Variants in UBXN4 observed in about 807,000 individuals in gnomAD.
UBXN4 encodes UBX domain protein 4.
UBXN4 carries 35 observed loss-of-function variants against 66.2 expected under a neutral mutation model. The observed-to-expected ratio is 0.53, with a 90% CI of 0.40 to 0.70. UBXN4 has a LOEUF of 0.70. UBXN4 is among the 30% of genes least tolerant of loss of function. The pLI is 0.00. For missense variants in UBXN4, 533 were observed against 599.8 expected (o/e 0.89, Z 1.16); for synonymous variants, 203 against 204.5 (o/e 0.99, Z 0.06).
intron 6 of UBXN4, among the ~76,000 whole-genome samples, chr2:135,768,539 A>G (rs569484873): frequency 1.3e-5 from 2 of 150,146 alleles, no homozygotes; most frequent in South Asian, 4.2e-4. Flanking sequence ...ACGTTGCATT[A>G]CACTACCATG....
intron 2 of UBXN4, among the ~76,000 whole-genome samples, chr2:135,752,576 A>T (rs2077250057): frequency 6.6e-6 from 1 of 152,218 alleles, no homozygotes; most frequent in Non-Finnish European, 1.5e-5. Context: ...CACATGCCTA[A>T]GTAAGTCGTA....
At chr2:135,754,532 A>G (rs1300921280) in intron 4 of UBXN4, among the ~76,000 whole-genome samples, 1 of 152,104 alleles carries the variant, frequency 6.6e-6, no homozygotes, top group Non-Finnish European at 1.5e-5. Context: ...CATGTTGGCC[A>G]GGCTGGTCTC....
Position 135,748,271 on chromosome 2 carries a change from T to G in UBXN4, c.87T>G (p.Asp29Glu). 2 of 1,571,842 alleles carry G rather than the reference T, an allele frequency of 1.3e-6. No homozygotes were observed. The highest frequency in any genetic ancestry group is 1.7e-6 in the Non-Finnish European group (2 of 1,161,920). The change falls in exon 2 of 13, where the codon GAT becomes GAG. Residue 29 changes from aspartate to glutamate, a missense_variant. Coordinates refer to ENST00000272638, the MANE Select transcript of UBXN4 (RefSeq NM_014607.4). ...GAVFVVFVAG[D>E]DEQSTQMAAS... The stretch of plus-strand genomic sequence containing the variant: ...AATTTTTGAAATGTTTTACAGGTGA[T>G]GATGAACAGTCTACACAGATGGCTG...
intron 5 of UBXN4, among the ~76,000 whole-genome samples, chr2:135,760,915 T>G (rs1286224777): frequency 2.0e-5 from 3 of 152,230 alleles, no homozygotes; most frequent in African/African-American, 7.2e-5. Flanking sequence ...GGAGAAGAGA[T>G]ATGCACCATC....
rs368272666 is a variant in UBXN4, at chr2:135,780,310, C to T, written c.1313C>T (p.Pro438Leu). 57 of 1,614,048 alleles carry T rather than the reference C, an allele frequency of 3.5e-5. No homozygotes were observed. Among genetic ancestry groups the T allele is most frequent in the Non-Finnish European group, 4.6e-5 (54 of 1,180,036 alleles). The change falls in exon 12 of 13, where the codon CCT becomes CTT. Residue 438 changes from proline to leucine, a missense_variant. Physicochemically the swap from Pro to Leu is moderately conservative, Grantham distance 98. Coordinates refer to ENST00000272638, the MANE Select transcript of UBXN4 (RefSeq NM_014607.4). ...LISNFLFSNP[P>L]PTQTSVRVTS... is the part of the protein sequence containing the mutation. Reference sequence around the variant, plus strand: ...AGCAATTTCTTGTTTAGTAATCCGCCTCCCACACAGACTTCAGTGAGAGTA... The same window carrying T: ...AGCAATTTCTTGTTTAGTAATCCGCTTCCCACACAGACTTCAGTGAGAGTA...
intron 1 of UBXN4, 75 bp downstream of exon 1, chr2:135,742,086 C>T (rs1164916784): frequency 5.8e-5 from 88 of 1,509,106 alleles, no homozygotes; most frequent in Non-Finnish European, 7.5e-5. Flanking sequence ...ATACCTCAGC[C>T]GCCGGCCCGC....
At chr2:135,776,601 T>A (rs972022563) in intron 10 of UBXN4, among the ~76,000 whole-genome samples, 3 of 152,202 alleles carry the variant, frequency 2.0e-5, no homozygotes, top group Non-Finnish European at 2.9e-5. Context: ...TTTTCTTTTT[T>A]AAAATTTTTT....
intron 1 of UBXN4, chr2:135,742,759 A>G (rs938256581): frequency 6.6e-6 from 1 of 151,992 alleles, no homozygotes; most frequent in African/African-American, 2.4e-5. Context: ...TAGAGGTTTA[A>G]TTTTTCTTTA....
intron 5 of UBXN4, among the ~76,000 whole-genome samples, chr2:135,757,202 T>G (rs1217980872): frequency 1.3e-5 from 2 of 152,226 alleles, no homozygotes; most frequent in Non-Finnish European, 2.9e-5. Context: ...CACTTATTTT[T>G]TCTTCTTTGG....
chr2:135,763,253 C>T (rs1330755970), intron 6 of UBXN4, among the ~76,000 whole-genome samples: 1 of 152,198 alleles, frequency 6.6e-6, no homozygotes, highest in East Asian at 1.9e-4. Context: ...CCATCGTTCT[C>T]ACCATCCCCT....
intron 9 of UBXN4, among the ~76,000 whole-genome samples, chr2:135,772,970 G>C (rs1209559435): frequency 2.7e-5 from 4 of 147,530 alleles, no homozygotes; most frequent in Non-Finnish European, 4.4e-5. Flanking sequence ...CCGGGAGGCG[G>C]AGCTTGCAGT....
intron 10 of UBXN4, among the ~76,000 whole-genome samples, chr2:135,778,059 C>G (rs2077428314): frequency 6.6e-6 from 1 of 151,794 alleles, no homozygotes; most frequent in Non-Finnish European, 1.5e-5. Flanking sequence ...CGTCTGTAGT[C>G]CCAGCTACTC....
Position 135,771,414 on chromosome 2 carries a change from T to G in UBXN4, c.822+679T>G, listed in dbSNP as rs77008024. Among the ~76,000 whole-genome samples, 1,584 of 151,944 alleles carry G rather than the reference T, an allele frequency of 0.01. 99 individuals are homozygous for G. In the East Asian group the frequency reaches 0.19, roughly 18 times the overall value. ...TCACTTGAACCTAGGAGGTGGAAGT[T>G]GCAGTAGGCTGACATGGTGCCATTG... On this transcript the variant is annotated intron_variant, in intron 8 of 12. Transcript: ENST00000272638.
intron 8 of UBXN4, 88 bp from the exon 9 acceptor site, chr2:135,772,327 TAAAAA>T: frequency 1.8e-6 from 2 of 1,120,292 alleles, no homozygotes; most frequent in Non-Finnish European, 2.4e-6. Context: ...TGTCTCTTAA[TAAAAA>T]AAAAAAATTC....
At position 135,772,533 on chromosome 2, in the gene UBXN4, T is replaced by C. The variant is rs757159961; in HGVS notation, c.936T>C (p.Tyr312=). The part of the protein sequence containing the change: ...QAEMEVKRES[Y]ARERSTVARI... Reference sequence around the variant, plus strand: ...AAATGGAAGTCAAGAGGGAATCTTATGCAAGAGAAAGAAGGTACTATATTT... The same window carrying C: ...AAATGGAAGTCAAGAGGGAATCTTACGCAAGAGAAAGAAGGTACTATATTT... Residue 312 remains tyrosine, a synonymous_variant, in exon 9 of 13, where the codon TAT becomes TAC. Coordinates refer to ENST00000272638, the MANE Select transcript of UBXN4 (RefSeq NM_014607.4). The C allele has an allele frequency of 5.0e-6, 8 of 1,613,658 alleles. No homozygotes were observed. Among genetic ancestry groups the C allele is most frequent in the South Asian group, 4.4e-5 (4 of 91,076 alleles).
chr2:135,748,456 G>A (rs2077222926), intron 2 of UBXN4, 87 bp downstream of exon 2: 4 of 1,044,648 alleles, frequency 3.8e-6, no homozygotes, highest in Non-Finnish European at 3.8e-6. Context: ...CTAGAAGAAT[G>A]TTGATGTTGG....
intron 7 of UBXN4, 30 bp downstream of exon 7, chr2:135,769,853 T>C (rs376719923): frequency 6.4e-7 from 1 of 1,566,720 alleles, no homozygotes. Context: ...CATTGTTTTG[T>C]CCTCTCATTA....
intron 10 of UBXN4, among the ~76,000 whole-genome samples, chr2:135,778,189 CAAAA>C (rs749865495): frequency 1.9e-5 from 2 of 104,602 alleles, no homozygotes; most frequent in African/African-American, 7.0e-5. Context: ...AAAAAAAAAA[CAAAA>C]AAAAACCCAA....
chr2:135,749,960 A>G (rs539181018), intron 2 of UBXN4, among the ~76,000 whole-genome samples: 61 of 152,224 alleles, frequency 4.0e-4, no homozygotes, highest in African/African-American at 1.2e-3. Context: ...GTTAGTGTCA[A>G]GTTGGTTCTT....
Sources: gnomAD v4.1 joint callset for allele counts (sites outside exome capture counted in the v4.1 genomes callset) on GRCh38, gnomAD v4.1.1 for gene constraint, MANE v1.5 for transcripts, NCBI Gene and HGNC (gene_info 2026-07-23, HGNC 2026-07-21) for gene names.